The following LURAP1 variants were observed in gnomAD, a reference collection of about 807,000 sequenced individuals.
LURAP1 encodes NF-kappa-B activator C1orf190.
Under a neutral mutation model 19.0 loss-of-function variants are expected in LURAP1, and 14 were observed. The observed-to-expected ratio is 0.74, with a 90% CI of 0.49 to 1.15. The LOEUF is 1.15. Among genes scored for constraint, LURAP1 ranks in the 50% most tolerant of loss-of-function variants. The probability of loss-of-function intolerance (pLI) is 0.00; values close to 1 mark genes in which losing one functional copy is unlikely to be tolerated. For synonymous variants in LURAP1, 129 were observed against 131.8 expected, an observed-to-expected ratio of 0.98 and a Z score of 0.14; for missense variants, 273 against 309.1, an observed-to-expected ratio of 0.88 and a Z score of 0.87.
intron 1 of LURAP1, among the ~76,000 whole-genome samples, chr1:46,214,358 A>G (rs1311271964): frequency 1.3e-5 from 2 of 151,906 alleles, no homozygotes; most frequent in African/African-American, 2.4e-5. Context: ...AAAGAAAAAA[A>G]AAAAGGAAAA....
Position 46,220,410 on chromosome 1 carries a change from A to C in LURAP1, c.*190A>C, listed in dbSNP as rs970716341. The stretch of plus-strand genomic sequence containing the variant: ...TTTATCCCTCAATTATTGGGTCCCT[A>C]GAGCTAGCTTGCTCTTTCTTTCTTT... On this transcript the variant is annotated 3_prime_UTR_variant, in exon 2 of 2. Coordinates refer to ENST00000371980, the MANE Select transcript of LURAP1 (RefSeq NM_001013615.3). 1.5e-5 allele frequency: 9 copies of C among 602,860 alleles called. No homozygotes were observed. The highest frequency in any genetic ancestry group is 2.0e-5 in the Non-Finnish European group (7 of 353,744). The allele number at this position is 602,860 out of a possible 1,614,324, so 37.3% of individuals were successfully genotyped here.
chr1:46,217,748 T>A (rs1180141816), intron 1 of LURAP1, among the ~76,000 whole-genome samples: 2 of 152,108 alleles, frequency 1.3e-5, no homozygotes, highest in Non-Finnish European at 2.9e-5. Context: ...TCCCAGCTAC[T>A]CAGCAGGCTG....
At chr1:46,212,731 C>G (rs531236423) in intron 1 of LURAP1, among the ~76,000 whole-genome samples, 1 of 152,008 alleles carries the variant, frequency 6.6e-6, no homozygotes. Flanking sequence ...CAAGAGCCAC[C>G]ATGCTTGGCT....
chr1:46,210,022 A>G (rs1658844288), intron 1 of LURAP1, among the ~76,000 whole-genome samples: 1 of 152,212 alleles, frequency 6.6e-6, no homozygotes, highest in South Asian at 2.1e-4. Flanking sequence ...TCCTTTATCA[A>G]GTTAATAGTC....
chr1:46,212,498 G>A (rs1230982657), intron 1 of LURAP1, among the ~76,000 whole-genome samples: 4 of 151,940 alleles, frequency 2.6e-5, no homozygotes, highest in Admixed American at 2.0e-4. Flanking sequence ...AGCCAGGATG[G>A]TCTTGATCTC....
rs756928850 is a variant in LURAP1 at position 46,203,387 on chromosome 1, C to T, written c.-40C>T. 7.0e-7 allele frequency: 1 copy of T among 1,432,740 alleles called. No homozygotes were observed. The highest frequency in any genetic ancestry group is 9.2e-7 in the Non-Finnish European group (1 of 1,089,232). The allele number at this position is 1,432,740 out of a possible 1,614,324, so 88.8% of individuals were successfully genotyped here. On this transcript the variant is annotated 5_prime_UTR_variant, in exon 1 of 2. Coordinates refer to ENST00000371980, the MANE Select transcript of LURAP1 (RefSeq NM_001013615.3). ...GGGAGGACCCCCGGGAGCCGGTCCCCGGCGTCCGGTCGCCCAGCCCTTTTC... is the reference window on the plus strand; with the variant it reads ...GGGAGGACCCCCGGGAGCCGGTCCCTGGCGTCCGGTCGCCCAGCCCTTTTC...
In LURAP1 at chr1:46,206,515, T is replaced by C. The variant is rs1658721987; in HGVS notation, c.198+2891T>C. Among the ~76,000 whole-genome samples the C allele has an allele frequency of 2.0e-5, 3 of 152,154 alleles. No individual in the cohort carries two copies. In the South Asian group the frequency reaches 6.2e-4, roughly 32 times the overall value. ...GAATCTCCTTGGAAGGAGAATTGGGTTTGGAGTCGCCTCTGAGGCTGCATC... is the reference window on the plus strand; with the variant it reads ...GAATCTCCTTGGAAGGAGAATTGGGCTTGGAGTCGCCTCTGAGGCTGCATC... On this transcript the variant is annotated intron_variant, in intron 1 of 1. Transcript: ENST00000371980.
In LURAP1 at chr1:46,219,968, G is replaced by A; in HGVS notation, c.468G>A (p.Leu156=). 1 of 1,614,252 alleles carries A rather than the reference G, an allele frequency of 6.2e-7. No individual in the cohort carries two copies. The highest frequency in any genetic ancestry group is 8.5e-7 in the Non-Finnish European group (1 of 1,180,040). Residue 156 remains leucine (L), a synonymous_variant, in exon 2 of 2, where the codon CTG becomes CTA. Transcript: ENST00000371980. ...SFLDTVAPSE[L]DEQGPPGAPR... is the part of the protein sequence containing the mutation. Reference sequence around the variant, plus strand: ...TGGACACAGTGGCCCCCAGCGAGCTGGATGAACAGGGCCCACCTGGGGCTC... The same window carrying A: ...TGGACACAGTGGCCCCCAGCGAGCTAGATGAACAGGGCCCACCTGGGGCTC...
Position 46,208,579 on chromosome 1 carries a change from A to C in LURAP1, c.198+4955A>C, listed in dbSNP as rs544651273. 6.6e-5 allele frequency among the ~76,000 whole-genome samples: 10 copies of C among 152,304 alleles called. 1 individual carries two copies. The highest frequency in any genetic ancestry group is 2.4e-4 in the African/African-American group (10 of 41,574). On this transcript the variant is annotated intron_variant, in intron 1 of 1. Coordinates refer to ENST00000371980, the MANE Select transcript of LURAP1 (RefSeq NM_001013615.3). Reference sequence around the variant, plus strand: ...AGATTGAGGGCCGGCACGGTGGCTCATGCCTGTAATCCCAGCATTTTGGGA... The same window carrying C: ...AGATTGAGGGCCGGCACGGTGGCTCCTGCCTGTAATCCCAGCATTTTGGGA...
At chr1:46,208,876 G>A (rs1557683739) in intron 1 of LURAP1, among the ~76,000 whole-genome samples, 1 of 151,978 alleles carries the variant, frequency 6.6e-6, no homozygotes, top group Non-Finnish European at 1.5e-5. Context: ...ATAAATAAAA[G>A]GCATGAAGCC....
chr1:46,220,339 T>C lies in LURAP1; in HGVS notation c.*119T>C. ...GAGGCTGCACTGAAATCAGTTACCA[T>C]GGAAACCTGGCTCATCATTTCTCTA... is the stretch of plus-strand genomic sequence containing the variant. On this transcript the variant is annotated 3_prime_UTR_variant, in exon 2 of 2. Coordinates refer to ENST00000371980, the MANE Select transcript of LURAP1 (RefSeq NM_001013615.3). The C allele has an allele frequency of 1.8e-6, 2 of 1,104,026 alleles. No homozygotes were observed. Among genetic ancestry groups the C allele is most frequent in the South Asian group, 1.6e-5 (1 of 62,676 alleles). The allele number at this position is 1,104,026 out of a possible 1,614,324, so 68.4% of individuals were successfully genotyped here.
At chr1:46,214,133 G>C (rs1658987047) in intron 1 of LURAP1, among the ~76,000 whole-genome samples, 1 of 152,086 alleles carries the variant, frequency 6.6e-6, no homozygotes, top group Non-Finnish European at 1.5e-5. Context: ...ATCACTTGAG[G>C]TCAGGAATTT....
At chr1:46,218,219 T>C (rs1287172590) in intron 1 of LURAP1, among the ~76,000 whole-genome samples, 1 of 152,150 alleles carries the variant, frequency 6.6e-6, no homozygotes, top group Non-Finnish European at 1.5e-5. Context: ...AGGTGAGACC[T>C]TGTCTGTACA....
chr1:46,204,154 A>G (rs573601524), intron 1 of LURAP1, among the ~76,000 whole-genome samples: 1 of 152,274 alleles, frequency 6.6e-6, no homozygotes, highest in Admixed American at 6.5e-5. Context: ...TACATCCCCC[A>G]GCCCTACTTA....
At chr1:46,212,712 G>A (rs1658941160) in intron 1 of LURAP1, among the ~76,000 whole-genome samples, 1 of 152,102 alleles carries the variant, frequency 6.6e-6, no homozygotes, top group Non-Finnish European at 1.5e-5. Flanking sequence ...GAGTAGCTGG[G>A]ATTACAGGCA....
At position 46,207,524 on chromosome 1, in the gene LURAP1, T is replaced by TTTTC. The variant is rs202035398; in HGVS notation, c.198+3920_198+3923dup. On this transcript the variant is annotated intron_variant, in intron 1 of 1. Coordinates refer to ENST00000371980, the MANE Select transcript of LURAP1 (RefSeq NM_001013615.3). ...TCCACTAGCGTTTGCCACACTGAAC[T>TTTTC]TTTCTTTCTTTCTTTCTTTCTTTTT... Among the ~76,000 whole-genome samples the TTTTC allele has an allele frequency of 1.3e-4, 20 of 151,844 alleles. 1 individual carries two copies. The highest frequency in any genetic ancestry group is 5.9e-4 in the Admixed American group (9 of 15,242).
rs145638950 is a variant in LURAP1 at position 46,219,917 on chromosome 1, G to A, written c.417G>A (p.Leu139=). The A allele has an allele frequency of 8.1e-6, 13 of 1,614,182 alleles. No homozygotes were observed. In the East Asian group the frequency reaches 2.2e-4, roughly 28 times the overall value. ...SLPDTSTTDR[L]DSVSIGSFLD... Reference sequence around the variant, plus strand: ...CAGACACCAGCACCACCGACCGGCTGGACAGTGTCTCTATTGGCAGCTTCC... The same window carrying A: ...CAGACACCAGCACCACCGACCGGCTAGACAGTGTCTCTATTGGCAGCTTCC... Residue 139 remains leucine, a synonymous_variant, in exon 2 of 2, where the codon CTG becomes CTA. Coordinates refer to ENST00000371980, the MANE Select transcript of LURAP1 (RefSeq NM_001013615.3).
intron 1 of LURAP1, among the ~76,000 whole-genome samples, chr1:46,203,935 G>A (rs1658630561): frequency 6.6e-6 from 1 of 152,016 alleles, no homozygotes; most frequent in Non-Finnish European, 1.5e-5. Context: ...AGAACCCAAC[G>A]CAGCACAAAT....
intron 1 of LURAP1, among the ~76,000 whole-genome samples, chr1:46,212,769 TA>T (rs1221930747): frequency 2.0e-5 from 3 of 151,768 alleles, no homozygotes; most frequent in Admixed American, 6.6e-5. Context: ...TATTTTATTT[TA>T]TTTTTTTGAG....
Sources: gnomAD v4.1 joint callset for allele counts (sites outside exome capture counted in the v4.1 genomes callset) on GRCh38, gnomAD v4.1.1 for gene constraint, MANE v1.5 for transcripts, NCBI Gene and HGNC (gene_info 2026-07-23, HGNC 2026-07-21) for gene names.